NYNRIN: variants seen among roughly 807,000 people sequenced by gnomAD.
NYNRIN encodes the protein protein NYNRIN.
NYNRIN carries 86 observed loss-of-function variants against 146.6 expected under a neutral mutation model. The ratio of observed to expected loss-of-function variants is 0.59; its 90% CI spans 0.49 to 0.70. The LOEUF (loss-of-function observed/expected upper bound fraction) is 0.70. Ranked by LOEUF, NYNRIN falls within the 30% of genes least tolerant of loss-of-function variation. NYNRIN has a pLI of 0.00. For synonymous variants in NYNRIN, 1,027 were observed against 1,001.3 expected, an observed-to-expected ratio of 1.03 and a Z score of -0.48; for missense variants, 2,191 against 2,377.7, an observed-to-expected ratio of 0.92 and a Z score of 1.63.
chr14:24,411,672 T>C lies in NYNRIN; in HGVS notation c.2642+222T>C, dbSNP rs546423600. 2.0e-5 allele frequency among the ~76,000 whole-genome samples: 3 copies of C among 152,350 alleles called. No individual in the cohort carries two copies. The East Asian group carries it at 5.8e-4, about 29-fold the overall frequency. On this transcript the variant is annotated intron_variant, in intron 6 of 8. Coordinates refer to ENST00000382554, the MANE Select transcript of NYNRIN (RefSeq NM_025081.3). The surrounding 1 kb of genome is among the most constrained non-coding windows in gnomAD (Gnocchi z 4.3). The stretch of plus-strand genomic sequence containing the variant: ...CTCTCCCCAAGCCCGGAGTTGTTTC[T>C]GACTTTGGGACTCTGGAGTCCGTCT...
intron 8 of NYNRIN, 86 bp downstream of exon 8, chr14:24,413,503 T>C (rs2042925778): frequency 2.5e-6 from 2 of 812,708 alleles, no homozygotes; most frequent in African/African-American, 1.7e-5. Context: ...ATCTAGTGCG[T>C]AATAATGATC....
At position 24,408,164 on chromosome 14, in the gene NYNRIN, C is replaced by A. The variant is rs770381190; in HGVS notation, c.494C>A (p.Ala165Asp). Residue 165 changes from alanine to aspartate, a missense_variant, in exon 3 of 9, where the codon GCC becomes GAC. Ala to Asp is a moderately radical substitution (Grantham distance 126, BLOSUM62 -2). This residue lies in a region of NYNRIN where 895 missense variants were observed against 941.2 expected (regional missense o/e 0.95). Transcript: ENST00000382554. The part of the protein sequence containing the change: ...WEAEVTRAFG[A>D]LVWIRGDQHA... ...GCTGAGGTGACCCGGGCCTTTGGGG[C>A]CCTGGTCTGGATCCGTGGTGACCAG... 7 of 1,602,288 alleles carry A rather than the reference C, an allele frequency of 4.4e-6. No homozygotes were observed. The highest frequency in any genetic ancestry group is 1.7e-5 in the Admixed American group (1 of 58,864).
In NYNRIN at chr14:24,410,148, G is replaced by A. The variant is rs766395717; in HGVS notation, c.2354G>A (p.Gly785Glu). Residue 785 changes from glycine to glutamate, a missense_variant, in exon 4 of 9, where the codon GGG becomes GAG. Coordinates refer to ENST00000382554, the MANE Select transcript of NYNRIN (RefSeq NM_025081.3). ...LNTPFELNLS[G>E]EPGNQGLRRV... ...ACACCCTTCGAGCTGAACCTGTCAG[G>A]GGAACCTGGAAACCAGGGGTTGCGG... The A allele has an allele frequency of 6.8e-6, 11 of 1,612,958 alleles. No individual in the cohort carries two copies. The highest frequency in any genetic ancestry group is 9.3e-6 in the Non-Finnish European group (11 of 1,179,306).
rs1472373289 is a variant in NYNRIN at position 24,399,060 on chromosome 14, A to C, written c.-44A>C. On this transcript the variant is annotated 5_prime_UTR_variant, in exon 1 of 9. Transcript: ENST00000382554. ...CAGCGGTCGAAGGGGACCAAGCTCCAGAGGGCGGGCGCCCGAGCCGTGCGG... is the reference window on the plus strand; with the variant it reads ...CAGCGGTCGAAGGGGACCAAGCTCCCGAGGGCGGGCGCCCGAGCCGTGCGG... The C allele has an allele frequency of 3.1e-5, 17 of 540,130 alleles. 1 individual carries two copies. The highest frequency in any genetic ancestry group is 5.4e-5 in the Non-Finnish European group (17 of 313,358). 33.5% of individuals were successfully genotyped at this position (540,130 alleles called of 1,614,324 possible). A position where few individuals can be genotyped will look rare whatever the true frequency, so the allele number is the denominator to read the frequency against.
chr14:24,414,819 G>A lies in NYNRIN; in HGVS notation c.3070G>A (p.Ala1024Thr), dbSNP rs1427771180. Reference protein sequence around the residue: ...AEEDDLDSSLASVFRVECPSL... With the variant: ...AEEDDLDSSLTSVFRVECPSL... ...GGAGGACGACCTTGACTCTTCGCTG[G>A]CGTCAGTGTTCAGGGTGGAGTGCCC... Residue 1024 changes from alanine to threonine, a missense_variant, in exon 9 of 9, where the codon GCG becomes ACG. Transcript: ENST00000382554. 6.2e-7 allele frequency: 1 copy of A among 1,613,558 alleles called. No homozygotes were observed. The highest frequency in any genetic ancestry group is 8.5e-7 in the Non-Finnish European group (1 of 1,179,730).
intron 2 of NYNRIN, among the ~76,000 whole-genome samples, chr14:24,403,386 T>A (rs1450102564): frequency 6.6e-6 from 1 of 152,272 alleles, no homozygotes; most frequent in East Asian, 1.9e-4. Context: ...CTCTCCTGTC[T>A]GGTCAGTTGC....
rs2042894372 is a variant in NYNRIN at position 24,409,155 on chromosome 14, C to T, written c.1361C>T (p.Pro454Leu). The T allele has an allele frequency of 6.2e-7, 1 of 1,613,940 alleles. No individual in the cohort carries two copies. ...AATTGCCCAAGGCCAGAGATTTCCC[C>T]AAAAGTTACGAGTTTATTGGTGGTC... ...LQNCPRPEIS[P>L]KVTSLLVVPG... The change falls in exon 4 of 9, where the codon CCA becomes CTA. Residue 454 changes from proline to leucine, a missense_variant. By Grantham distance (98) the Pro-to-Leu change is moderately conservative. Around this residue, in one of 3 missense-constraint regions of NYNRIN, gnomAD observed 895 missense variants for 941.2 expected, o/e 0.95. Transcript: ENST00000382554.
intron 2 of NYNRIN, among the ~76,000 whole-genome samples, chr14:24,402,582 C>T (rs1012248398): frequency 6.6e-5 from 10 of 152,102 alleles, no homozygotes; most frequent in Non-Finnish European, 1.0e-4. Context: ...GAGTTGGTTG[C>T]GGTCAGTGCC....
intron 2 of NYNRIN, among the ~76,000 whole-genome samples, chr14:24,406,634 C>T (rs778934001): frequency 7.2e-5 from 11 of 152,176 alleles, no homozygotes; most frequent in Admixed American, 2.0e-4. Flanking sequence ...AAAGATGGCC[C>T]GGGGACTGAG....
chr14:24,399,193 C>T, intron 1 of NYNRIN, 37 bp from the exon 2 acceptor site: 3 of 1,563,364 alleles, frequency 1.9e-6, no homozygotes. Context: ...CCTGCCGCCC[C>T]GAGACCCGGG....
intron 4 of NYNRIN, among the ~76,000 whole-genome samples, chr14:24,410,687 C>A (rs1175478618): frequency 2.6e-5 from 4 of 152,226 alleles, no homozygotes; most frequent in African/African-American, 9.6e-5. Flanking sequence ...CATGTGCATG[C>A]CACATAATTT....
chr14:24,415,207 C>G lies in NYNRIN; in HGVS notation c.3458C>G (p.Ala1153Gly), dbSNP rs1478003248. The change falls in exon 9 of 9, where the codon GCC (alanine) becomes GGC (glycine). Residue 1153 changes from alanine (A) to glycine (G), a missense_variant. By Grantham distance (60) the Ala-to-Gly change is moderately conservative (BLOSUM62 0). Transcript: ENST00000382554. Reference sequence around the variant, plus strand: ...CTGGTGTCTGCCCTCTGCCTGATGGCCCCCAACTCCCAGCTGCCCTTCCGC... The same window carrying G: ...CTGGTGTCTGCCCTCTGCCTGATGGGCCCCAACTCCCAGCTGCCCTTCCGC... The part of the protein sequence containing the change: ...RALVSALCLM[A>G]PNSQLPFRLE... The G allele has an allele frequency of 6.2e-7, 1 of 1,611,178 alleles. No homozygotes were observed. Among genetic ancestry groups the G allele is most frequent in the East Asian group, 2.2e-5 (1 of 44,858 alleles).
Position 24,409,827 on chromosome 14 carries a change from C to T in NYNRIN, c.2033C>T (p.Pro678Leu), listed in dbSNP as rs758838841. Residue 678 changes from proline (P) to leucine (L), a missense_variant, in exon 4 of 9, where the codon CCC becomes CTC. This residue lies in a region of NYNRIN where 895 missense variants were observed against 941.2 expected (regional missense o/e 0.95). Coordinates refer to ENST00000382554, the MANE Select transcript of NYNRIN (RefSeq NM_025081.3). ...GTGACCCCCAGAGTCTCCAGAGCTC[C>T]CAAAACACCTGCAGCTCAGAAGGTG... ...VPVTPRVSRA[P>L]KTPAAQKVPT... 2 of 1,613,500 alleles carry T rather than the reference C, an allele frequency of 1.2e-6. No homozygotes were observed. Among genetic ancestry groups the T allele is most frequent in the Non-Finnish European group, 8.5e-7 (1 of 1,179,694 alleles).
chr14:24,409,155 CA>C lies in NYNRIN; in HGVS notation c.1365del (p.Val456LeufsTer13). 1 of 1,613,940 alleles carries C rather than the reference CA, an allele frequency of 6.2e-7. No homozygotes were observed. ...LQNCPRPEISPKVTSLLVVPG... is the reference protein window; with the variant it reads ...LQNCPRPEISXKVTSLLVVPG... ...AATTGCCCAAGGCCAGAGATTTCCCCAAAAGTTACGAGTTTATTGGTGGTCC... is the reference window on the plus strand; with the variant it reads ...AATTGCCCAAGGCCAGAGATTTCCCCAAAGTTACGAGTTTATTGGTGGTCC... On this transcript the variant is annotated frameshift_variant, in exon 4 of 9. Coordinates refer to ENST00000382554, the MANE Select transcript of NYNRIN (RefSeq NM_025081.3). LOFTEE classifies it high-confidence loss of function.
At position 24,411,357 on chromosome 14, in the gene NYNRIN, G is replaced by A. The variant is rs2042911857; in HGVS notation, c.2549G>A (p.Ser850Asn). The change falls in exon 6 of 9, where the codon AGC becomes AAC. Residue 850 changes from serine to asparagine, a missense_variant. By Grantham distance (46) the Ser-to-Asn change is conservative. Transcript: ENST00000382554. The surrounding 1 kb of genome is among the most constrained non-coding windows in gnomAD (Gnocchi z 4.3). ...GTCTTCTGCCTTTCACCCCCAGAGA[G>A]CCACTTTCTGACGAAGCTACACTCG... ...QLKKNRRVRESHFLTKLHSLK... is the reference protein window; with the variant it reads ...QLKKNRRVRENHFLTKLHSLK... The A allele has an allele frequency of 1.2e-6, 2 of 1,613,820 alleles. No individual in the cohort carries two copies. The highest frequency in any genetic ancestry group is 1.7e-6 in the Non-Finnish European group (2 of 1,179,884).
At chr14:24,407,202 T>C (rs2042879905) in intron 2 of NYNRIN, among the ~76,000 whole-genome samples, 2 of 152,224 alleles carry the variant, frequency 1.3e-5, no homozygotes, top group East Asian at 1.9e-4. Context: ...CTGTGTGCCC[T>C]TGGGCAAGCT....
In NYNRIN at chr14:24,409,063, T is replaced by C. The variant is rs2042893709; in HGVS notation, c.1269T>C (p.Pro423=). 1 of 1,613,538 alleles carries C rather than the reference T, an allele frequency of 6.2e-7. No homozygotes were observed. Among genetic ancestry groups the C allele is most frequent in the Non-Finnish European group, 8.5e-7 (1 of 1,179,728 alleles). ...AGTGGAAGCAGAAGGAGCTGGCTCC[T>C]CTGCCTAGTGCAGAAAGCCCAGCTG... is the stretch of plus-strand genomic sequence containing the variant. ...NLEWKQKELA[P]LPSAESPAGR... is the part of the protein sequence containing the mutation. The change falls in exon 4 of 9, where the codon CCT becomes CCC. Residue 423 remains proline (P), a synonymous_variant. Transcript: ENST00000382554.
At chr14:24,400,847 G>A (rs967954837) in intron 2 of NYNRIN, among the ~76,000 whole-genome samples, 11 of 150,396 alleles carry the variant, frequency 7.3e-5, no homozygotes, top group African/African-American at 2.7e-4. Context: ...GCAATGGCGT[G>A]GTCTTGGCTC....
In NYNRIN at chr14:24,418,919, C is replaced by T. The variant is rs1186232742; in HGVS notation, c.*1473C>T. On this transcript the variant is annotated 3_prime_UTR_variant, in exon 9 of 9. Transcript: ENST00000382554. ...TTCACCATGAAAAGGGTTCTGGCAA[C>T]AGGTTCAAGCTGGAGAATCCTTCAA... 6.6e-6 allele frequency: 1 copy of T among 152,232 alleles called. No homozygotes were observed. Among genetic ancestry groups the T allele is most frequent in the African/African-American group, 2.4e-5 (1 of 41,450 alleles). 9.4% of individuals were successfully genotyped at this position (152,232 alleles called of 1,614,324 possible). A position where few individuals can be genotyped will look rare whatever the true frequency, so the allele number is the denominator to read the frequency against.
Sources: allele counts gnomAD v4.1 joint callset (sites outside exome capture counted in the v4.1 genomes callset), GRCh38; gene constraint gnomAD v4.1.1; regional missense constraint gnomAD v4.1.1; non-coding constraint Gnocchi (gnomAD v3.1); transcripts MANE v1.5; gene names NCBI Gene and HGNC (gene_info 2026-07-23, HGNC 2026-07-21).